EP400: variants seen among roughly 807,000 people sequenced by gnomAD.
EP400 encodes E1A binding protein p400, also known as E1A-binding protein p400.
A neutral mutation model predicts 354.1 loss-of-function variants in EP400; 105 were observed. The ratio of observed to expected loss-of-function variants is 0.30; its 90% confidence interval spans 0.25 to 0.35. The LOEUF (loss-of-function observed/expected upper bound fraction) is 0.35. Among genes scored for constraint, EP400 ranks in the 10% least tolerant of loss-of-function variants. EP400 has a pLI of 1.00. For missense variants in EP400, 3,280 were observed against 4,121.0 expected (o/e 0.80, Z 5.59); for synonymous variants, 1,646 against 1,716.9 (o/e 0.96, Z 1.02).
intron 2 of EP400, chr12:131,963,460 T>A (rs771885878): frequency 3.9e-5 from 46 of 1,171,058 alleles, no homozygotes; most frequent in Non-Finnish European, 5.4e-5. Context: ...CTATCAGCAA[T>A]AAAATTCTAA....
intron 1 of EP400, among the ~76,000 whole-genome samples, chr12:131,959,629 A>C (rs1671754345): frequency 6.6e-6 from 1 of 152,118 alleles, no homozygotes; most frequent in South Asian, 2.1e-4. Context: ...CCTCCCAGAG[A>C]GTTTGCAAAG....
intron 9 of EP400, among the ~76,000 whole-genome samples, chr12:131,991,085 T>G (rs1893017739): frequency 6.6e-6 from 1 of 152,176 alleles, no homozygotes; most frequent in Non-Finnish European, 1.5e-5. Context: ...TATGTGCCAC[T>G]CCACTTAGGA....
chr12:131,981,310 C>T lies in EP400; in HGVS notation c.1436-179C>T, dbSNP rs11837369. Among the ~76,000 whole-genome samples the T allele has an allele frequency of 0.12, 18,778 of 152,100 alleles. 1,569 individuals carry two copies. Among genetic ancestry groups the T allele is most frequent in the African/African-American group, 0.24 (9,814 of 41,468 alleles). On this transcript the variant is annotated intron_variant, in intron 3 of 52. Coordinates refer to ENST00000389561, the MANE Select transcript of EP400 (RefSeq NM_015409.5). The stretch of plus-strand genomic sequence containing the variant: ...CTTTTCATGATGCTTTTTCTTATAT[C>T]GGCAACATTTTAATGAGAAATTGTA...
rs1461480733 is a variant in EP400 at position 132,062,487 on chromosome 12, G to C, written c.8120G>C (p.Gly2707Ala). 3 of 1,612,828 alleles carry C rather than the reference G, an allele frequency of 1.9e-6. No homozygotes were observed. Among genetic ancestry groups the C allele is most frequent in the African/African-American group, 1.3e-5 (1 of 74,812 alleles). ...ATAGCCACAGGAGTTCAGCTCCCTG[G>C]AAAAACCATCACACCTGCACATTTC... Reference protein sequence around the residue: ...VSQATGVQLPGKTITPAHFQL... With the variant: ...VSQATGVQLPAKTITPAHFQL... Residue 2707 changes from glycine to alanine, a missense_variant, in exon 47 of 53, where the codon GGA becomes GCA. Gly to Ala is a moderately conservative substitution (Grantham distance 60, BLOSUM62 0). Transcript: ENST00000389561.
chr12:131,965,366 GC>G (rs1270029309), intron 2 of EP400, among the ~76,000 whole-genome samples: 3 of 152,112 alleles, frequency 2.0e-5, no homozygotes, highest in African/African-American at 7.2e-5. Flanking sequence ...GGTGAGTCTT[GC>G]CTGAATCAGT....
rs1260099150 is a variant in EP400, at chr12:132,029,142, A to G, written c.5382-559A>G. On this transcript the variant is annotated intron_variant, in intron 27 of 52. Coordinates refer to ENST00000389561, the MANE Select transcript of EP400 (RefSeq NM_015409.5). The surrounding 1 kb of genome is among the most constrained non-coding windows in gnomAD (Gnocchi z 4.7). ...CCCTCATTGAACATCATGGGTGACC[A>G]TTCGTTCAGTTTGAATACAGCTGGG... 2 of 154,602 alleles carry G rather than the reference A, an allele frequency of 1.3e-5. No individual in the cohort carries two copies. Among genetic ancestry groups the G allele is most frequent in the Non-Finnish European group, 2.9e-5 (2 of 69,704 alleles). 9.6% of individuals were successfully genotyped at this position (154,602 alleles called of 1,614,324 possible).
In EP400 at chr12:132,062,773, C is replaced by T. The variant is rs1255093839; in HGVS notation, c.8334+72C>T. The T allele has an allele frequency of 1.2e-5, 19 of 1,575,658 alleles. No individual in the cohort carries two copies. The South Asian group carries it at 1.7e-4, about 14-fold the overall frequency. ...TCAGCCCAGCGTCTGTGAGACGGTG[C>T]CTGCTTGCATGGTGCAGTCCAGAGT... On this transcript the variant is annotated intron_variant, in intron 47 of 52. Transcript: ENST00000389561.
chr12:131,964,261 A>T (rs1892000191), intron 2 of EP400, among the ~76,000 whole-genome samples: 2 of 152,170 alleles, frequency 1.3e-5, no homozygotes. Context: ...GAGGTCAGGA[A>T]TTCGAGACCA....
intron 2 of EP400, among the ~76,000 whole-genome samples, chr12:131,967,485 C>A (rs562590545): frequency 6.6e-6 from 1 of 151,674 alleles, no homozygotes; most frequent in Non-Finnish European, 1.5e-5. Context: ...GCCAGGAGTT[C>A]GAGACCAGCC....
chr12:132,002,247 AT>A (rs1235071970), intron 12 of EP400, among the ~76,000 whole-genome samples: 3 of 152,186 alleles, frequency 2.0e-5, no homozygotes, highest in Non-Finnish European at 2.9e-5. Flanking sequence ...TCTATTAATA[AT>A]TGGGCCTAGA....
chr12:132,037,581 G>A (rs1394110057), intron 30 of EP400, 101 bp from the exon 31 acceptor site: 1 of 884,926 alleles, frequency 1.1e-6, no homozygotes, highest in African/African-American at 1.6e-5. Flanking sequence ...GTAGCTGGAG[G>A]AGGGACGTGG....
chr12:131,975,734 AT>A (rs1490138539), intron 2 of EP400, among the ~76,000 whole-genome samples: 1 of 151,630 alleles, frequency 6.6e-6, no homozygotes, highest in African/African-American at 2.4e-5. Context: ...TAATTTTTGT[AT>A]TTTTGTAGAG....
At chr12:131,954,175 AT>A (rs1262012057) in intron 1 of EP400, among the ~76,000 whole-genome samples, 1 of 151,934 alleles carries the variant, frequency 6.6e-6, no homozygotes. Flanking sequence ...TCCATTAAAC[AT>A]TTTACCATAC....
intron 51 of EP400, among the ~76,000 whole-genome samples, chr12:132,071,852 A>T (rs1241549040): frequency 1.3e-5 from 2 of 152,102 alleles, no homozygotes; most frequent in Non-Finnish European, 2.9e-5. Flanking sequence ...TTCAACAAAT[A>T]CTATAAGTAC....
chr12:132,010,068 C>G (rs190200009), intron 15 of EP400, among the ~76,000 whole-genome samples: 35 of 150,214 alleles, frequency 2.3e-4, no homozygotes, highest in Non-Finnish European at 4.3e-4. Flanking sequence ...TTGTGTTTAC[C>G]TACTCTGAGG....
intron 23 of EP400, 101 bp from the exon 24 acceptor site, chr12:132,023,676 A>G: frequency 6.2e-6 from 7 of 1,121,628 alleles, no homozygotes; most frequent in Non-Finnish European, 9.0e-6. Context: ...GCTTCAGTTT[A>G]TGATAGATGG....
chr12:132,077,862 G>T lies in EP400; in HGVS notation c.*189G>T. On this transcript the variant is annotated 3_prime_UTR_variant, in exon 53 of 53. Coordinates refer to ENST00000389561, the MANE Select transcript of EP400 (RefSeq NM_015409.5). ...GCAGGACAAATGGTCCTTATGGAGT[G>T]CCGCGTTCTCTGTACTACGTGGCTC... 2.5e-6 allele frequency: 2 copies of T among 785,476 alleles called. No homozygotes were observed. The highest frequency in any genetic ancestry group is 3.9e-6 in the Non-Finnish European group (2 of 510,868). 48.7% of individuals were successfully genotyped at this position (785,476 alleles called of 1,614,324 possible).
chr12:132,041,561 T>G (rs1894910379), intron 32 of EP400, among the ~76,000 whole-genome samples: 2 of 152,188 alleles, frequency 1.3e-5, no homozygotes, highest in Admixed American at 1.3e-4. Context: ...TACCGCCGTT[T>G]ATCAGATCTG....
Position 132,027,966 on chromosome 12 carries a change from A to G in EP400, c.5110-51A>G. ...GGGTGGGGGGTTGGTGAAGACAGGAACTTGTCATTCTGTTTCTCAAGTAAC... is the reference window on the plus strand; with the variant it reads ...GGGTGGGGGGTTGGTGAAGACAGGAGCTTGTCATTCTGTTTCTCAAGTAAC... On this transcript the variant is annotated intron_variant, in intron 26 of 52. Transcript: ENST00000389561. This position sits in a 1 kb window ranked among gnomAD's most constrained non-coding sequence, Gnocchi z 4.9. 6.3e-7 allele frequency: 1 copy of G among 1,588,750 alleles called. No homozygotes were observed. Among genetic ancestry groups the G allele is most frequent in the South Asian group, 1.1e-5 (1 of 87,736 alleles).
Sources: gnomAD v4.1 joint callset for allele counts (sites outside exome capture counted in the v4.1 genomes callset) on GRCh38, gnomAD v4.1.1 for gene constraint, Gnocchi (gnomAD v3.1) non-coding constraint, MANE v1.5 for transcripts, NCBI Gene and HGNC (gene_info 2026-07-23, HGNC 2026-07-21) for gene names.